MBLAC2: variants seen among roughly 807,000 people sequenced by gnomAD.
MBLAC2 encodes the protein acyl-coenzyme A thioesterase MBLAC2.
A neutral mutation model predicts 23.3 loss-of-function variants in MBLAC2; 24 were observed. That is an observed-to-expected ratio of 1.03 (90% CI 0.75 to 1.45). The LOEUF (loss-of-function observed/expected upper bound fraction) is 1.45. Among genes scored for constraint, MBLAC2 ranks in the 40% most tolerant of loss-of-function variants. The pLI, the probability that MBLAC2 is intolerant of heterozygous loss-of-function variation, is 0.00. For missense variants in MBLAC2, 358 were observed against 370.0 expected, an observed-to-expected ratio of 0.97 and a Z score of 0.27; for synonymous variants, 162 against 150.9, an observed-to-expected ratio of 1.07 and a Z score of -0.54.
intron 1 of MBLAC2, among the ~76,000 whole-genome samples, chr5:90,464,505 A>G (rs1750418712): frequency 6.6e-6 from 1 of 152,174 alleles, no homozygotes; most frequent in Non-Finnish European, 1.5e-5. Flanking sequence ...GGATTGCTTG[A>G]GCCCAGAAAT....
In MBLAC2 at chr5:90,461,375, G is replaced by A; in HGVS notation, c.632C>T (p.Thr211Ile). 1 of 1,614,160 alleles carries A rather than the reference G, an allele frequency of 6.2e-7. No homozygotes were observed. Among genetic ancestry groups the A allele is most frequent in the South Asian group, 1.1e-5 (1 of 91,080 alleles). ...CACTAATTCTATTAGACGTTCACAA[G>A]TTCCAACATAGTCACTTATCCTGCT... ...PYSRISDYVG[T>I]CERLIELVDR... is the part of the protein sequence containing the mutation. The change falls in exon 2 of 2, where the codon ACT becomes ATT. Residue 211 changes from threonine to isoleucine, a missense_variant. Thr to Ile is a moderately conservative substitution (Grantham distance 89). Coordinates refer to ENST00000316610, the MANE Select transcript of MBLAC2 (RefSeq NM_203406.2).
chr5:90,469,662 C>T (rs975441760), intron 1 of MBLAC2, among the ~76,000 whole-genome samples: 14 of 151,996 alleles, frequency 9.2e-5, no homozygotes, highest in African/African-American at 3.1e-4. Context: ...TTTTATAATG[C>T]TTGGTTGCCT....
At position 90,474,363 on chromosome 5, in the gene MBLAC2, G is replaced by A; in HGVS notation, c.-71C>T. On this transcript the variant is annotated 5_prime_UTR_variant, in exon 1 of 2. Transcript: ENST00000316610. ...TCTCCCACAGGCTGTCCACACACAG[G>A]GCACTGCGGCTGTGTGAAGCGGTCT... The A allele has an allele frequency of 7.2e-7, 1 of 1,383,320 alleles. No individual in the cohort carries two copies. Among genetic ancestry groups the A allele is most frequent in the South Asian group, 1.2e-5 (1 of 82,836 alleles). 85.7% of individuals were successfully genotyped at this position (1,383,320 alleles called of 1,614,324 possible). A position where few individuals can be genotyped will look rare whatever the true frequency, so the allele number is the denominator to read the frequency against.
Position 90,474,737 on chromosome 5 carries a change from C to G in MBLAC2, c.-445G>C, listed in dbSNP as rs930079110. Reference sequence around the variant, plus strand: ...GGCTCTGCAGGGCGCGCACTCCCAGCTGGCGCAGAAAGTGTGGGGCCTCGC... The same window carrying G: ...GGCTCTGCAGGGCGCGCACTCCCAGGTGGCGCAGAAAGTGTGGGGCCTCGC... On this transcript the variant is annotated 5_prime_UTR_variant, in exon 1 of 2. Coordinates refer to ENST00000316610, the MANE Select transcript of MBLAC2 (RefSeq NM_203406.2). The G allele has an allele frequency of 5.2e-6, 1 of 193,116 alleles. No homozygotes were observed. Among genetic ancestry groups the G allele is most frequent in the South Asian group, 8.6e-5 (1 of 11,614 alleles). 12.0% of individuals were successfully genotyped at this position (193,116 alleles called of 1,614,324 possible). A position where few individuals can be genotyped will look rare whatever the true frequency, so the allele number is the denominator to read the frequency against.
intron 1 of MBLAC2, among the ~76,000 whole-genome samples, chr5:90,463,145 G>A (rs974826353): frequency 6.6e-6 from 1 of 152,190 alleles, no homozygotes; most frequent in Non-Finnish European, 1.5e-5. Context: ...GTGCAGTGGC[G>A]CAATCTTGGC....
chr5:90,463,148 A>G (rs527666838), intron 1 of MBLAC2, among the ~76,000 whole-genome samples: 20 of 152,350 alleles, frequency 1.3e-4, no homozygotes, highest in African/African-American at 2.6e-4. Flanking sequence ...CAGTGGCGCA[A>G]TCTTGGCTCA....
At chr5:90,472,709 T>C (rs1750579068) in intron 1 of MBLAC2, 1 of 152,220 alleles carries the variant, frequency 6.6e-6, no homozygotes, top group South Asian at 2.1e-4. Context: ...ACATTGGTAA[T>C]TAAAATGATC....
Position 90,467,906 on chromosome 5 carries a change from C to T in MBLAC2, c.454+5933G>A, listed in dbSNP as rs573055525. Reference sequence around the variant, plus strand: ...AGTTCTTGTAGTGATGGCTTGGTAGCAGTGAATTCCCTCAGCATTTGTTTG... The same window carrying T: ...AGTTCTTGTAGTGATGGCTTGGTAGTAGTGAATTCCCTCAGCATTTGTTTG... On this transcript the variant is annotated intron_variant, in intron 1 of 1. Coordinates refer to ENST00000316610, the MANE Select transcript of MBLAC2 (RefSeq NM_203406.2). 7.9e-5 allele frequency among the ~76,000 whole-genome samples: 12 copies of T among 152,240 alleles called. No homozygotes were observed. In the East Asian group the frequency reaches 2.1e-3, roughly 27 times the overall value.
intron 1 of MBLAC2, among the ~76,000 whole-genome samples, chr5:90,471,313 G>C (rs1345748140): frequency 6.6e-6 from 1 of 152,092 alleles, no homozygotes; most frequent in Non-Finnish European, 1.5e-5. Context: ...GTGACACTGG[G>C]CATATGGTTT....
At position 90,459,702 on chromosome 5, in the gene MBLAC2, A is replaced by G. The variant is rs538115616; in HGVS notation, c.*1465T>C. The G allele has an allele frequency of 6.6e-6, 1 of 152,272 alleles. No homozygotes were observed. The highest frequency in any genetic ancestry group is 1.9e-4 in the East Asian group (1 of 5,178). The allele number at this position is 152,272 out of a possible 1,614,324, so 9.4% of individuals were successfully genotyped here. On this transcript the variant is annotated 3_prime_UTR_variant, in exon 2 of 2. Transcript: ENST00000316610. The stretch of plus-strand genomic sequence containing the variant: ...TATAATGTTGTCTTTGACTTTTTTT[A>G]GCCTCCACAGTGTTTAGCGCTGTGC...
chr5:90,473,543 G>C (rs1226192036), intron 1 of MBLAC2: 2 of 623,298 alleles, frequency 3.2e-6, no homozygotes, highest in Non-Finnish European at 5.7e-6. Flanking sequence ...AGTCTTTGTA[G>C]TGTTACTGCT....
Position 90,474,443 on chromosome 5 carries a change from C to A in MBLAC2, c.-151G>T. On this transcript the variant is annotated 5_prime_UTR_variant, in exon 1 of 2. Transcript: ENST00000316610. ...AGGCGGGGGCGTGGGATGCGGGGGT[C>A]GGAATAGGAGGAGGAAGGACGCAGA... 1 of 701,910 alleles carries A rather than the reference C, an allele frequency of 1.4e-6. No homozygotes were observed. The highest frequency in any genetic ancestry group is 2.4e-6 in the Non-Finnish European group (1 of 415,626). The allele number at this position is 701,910 out of a possible 1,614,324, so 43.5% of individuals were successfully genotyped here.
At position 90,460,060 on chromosome 5, in the gene MBLAC2, G is replaced by A. The variant is rs1266584284; in HGVS notation, c.*1107C>T. On this transcript the variant is annotated 3_prime_UTR_variant, in exon 2 of 2. Coordinates refer to ENST00000316610, the MANE Select transcript of MBLAC2 (RefSeq NM_203406.2). ...CCAAACTAAAACTTTTTACTAAATAGTGGTATAACCTTTTATATGACTTTA... is the reference window on the plus strand; with the variant it reads ...CCAAACTAAAACTTTTTACTAAATAATGGTATAACCTTTTATATGACTTTA... 6.6e-6 allele frequency: 1 copy of A among 152,488 alleles called. No homozygotes were observed. Among genetic ancestry groups the A allele is most frequent in the African/African-American group, 2.4e-5 (1 of 41,414 alleles). 9.4% of individuals were successfully genotyped at this position (152,488 alleles called of 1,614,324 possible).
chr5:90,461,558 AATGGAAACAGAGTTT>A lies in MBLAC2; in HGVS notation c.455-21_455-7del. ...ACCAAGGTTGATCACATCCCCTACA[AATGGAAACAGAGTTT>A]ACAGATAAACATGTTGTATACTTGA... On this transcript the variant is annotated splice_region_variant and splice_polypyrimidine_tract_variant and intron_variant, in intron 1 of 1. Coordinates refer to ENST00000316610, the MANE Select transcript of MBLAC2 (RefSeq NM_203406.2). The A allele has an allele frequency of 6.2e-7, 1 of 1,600,494 alleles. No individual in the cohort carries two copies. The highest frequency in any genetic ancestry group is 1.1e-5 in the South Asian group (1 of 88,796).
At chr5:90,463,241 G>C (rs541860297) in intron 1 of MBLAC2, among the ~76,000 whole-genome samples, 2 of 152,224 alleles carry the variant, frequency 1.3e-5, no homozygotes, top group African/African-American at 4.8e-5. Context: ...GTGCCATCAC[G>C]CCTGGCTAAT....
intron 1 of MBLAC2, among the ~76,000 whole-genome samples, chr5:90,470,756 G>GCGCACACACACACACA (rs1272602098): frequency 6.4e-5 from 9 of 140,542 alleles, no homozygotes; most frequent in African/African-American, 2.4e-4. Flanking sequence ...TAGCGCGCGC[G>GCGCACACACACACACA]CACACACACA....
chr5:90,473,511 G>C (rs1398224102), intron 1 of MBLAC2: 1 of 587,004 alleles, frequency 1.7e-6, no homozygotes, highest in African/African-American at 1.9e-5. Flanking sequence ...GGGAAAGAAT[G>C]AGAAATCCCT....
intron 1 of MBLAC2, among the ~76,000 whole-genome samples, chr5:90,468,082 C>T (rs2151892183): frequency 6.6e-6 from 1 of 152,232 alleles, no homozygotes; most frequent in African/African-American, 2.4e-5. Flanking sequence ...ATAGGTTTTC[C>T]TTTACAGGTT....
chr5:90,461,251 C>G lies in MBLAC2; in HGVS notation c.756G>C (p.Gly252=). 6.2e-7 allele frequency: 1 copy of G among 1,614,104 alleles called. No homozygotes were observed. The change falls in exon 2 of 2, where the codon GGG becomes GGC. Residue 252 remains glycine (G), a synonymous_variant. Coordinates refer to ENST00000316610, the MANE Select transcript of MBLAC2 (RefSeq NM_203406.2). The part of the protein sequence containing the change: ...RLASNYISKA[G]ICHKVSTFAM... ...CAAAAGTAGAAACTTTGTGACATAT[C>G]CCAGCTTTTGAAATATAGTTAGAAG...
Sources: gnomAD v4.1 joint callset for allele counts (sites outside exome capture counted in the v4.1 genomes callset) on GRCh38, gnomAD v4.1.1 for gene constraint, MANE v1.5 for transcripts, NCBI Gene and HGNC (gene_info 2026-07-23, HGNC 2026-07-21) for gene names.